Variants in CUBN observed in about 807,000 individuals in gnomAD.
CUBN encodes the protein 460 kDa receptor.
In CUBN, 282 loss-of-function variants were observed where a neutral mutation model predicts 405.3. That is an observed-to-expected ratio of 0.70 (90% CI 0.63 to 0.77). The LOEUF is 0.77. Among genes scored for constraint, CUBN ranks in the 30% least tolerant of loss-of-function variants. The pLI, the probability that CUBN is intolerant of heterozygous loss-of-function variation, is 0.00. For missense variants in CUBN, 4,514 were observed against 4,475.2 expected, an observed-to-expected ratio of 1.01 and a Z score of -0.25; for synonymous variants, 1,684 against 1,617.0, an observed-to-expected ratio of 1.04 and a Z score of -0.99.
intron 11 of CUBN, 88 bp downstream of exon 11, chr10:17,105,369 A>C: frequency 1.2e-6 from 1 of 831,744 alleles, no homozygotes; most frequent in Non-Finnish European, 2.1e-6. Context: ...CATTATCTTG[A>C]CATTCCTGAA....
At position 16,862,156 on chromosome 10, in the gene CUBN, T is replaced by TCACACACA. The variant is rs1377846836; in HGVS notation, c.9454+7479_9454+7480insTGTGTGTG. On this transcript the variant is annotated intron_variant, in intron 59 of 66. Transcript: ENST00000377833. ...GAGTGAGACTCCGTCTCTCTCTCTC[T>TCACACACA]CTCTCACACACACACACACACACAC... 8.1e-3 allele frequency among the ~76,000 whole-genome samples: 752 copies of TCACACACA among 92,716 alleles called. 10 individuals carry two copies. Among genetic ancestry groups the TCACACACA allele is most frequent in the African/African-American group, 0.05 (721 of 14,394 alleles). 60.8% of individuals were successfully genotyped at this position (92,716 alleles called of 152,430 possible).
chr10:16,828,099 G>A (rs1838844965), intron 66 of CUBN, among the ~76,000 whole-genome samples: 1 of 152,128 alleles, frequency 6.6e-6, no homozygotes, highest in South Asian at 2.1e-4. Flanking sequence ...ATTTTCTACA[G>A]TTCTATTTAT....
intron 22 of CUBN, among the ~76,000 whole-genome samples, chr10:17,059,250 T>A (rs1835455316): frequency 6.6e-6 from 1 of 152,092 alleles, no homozygotes; most frequent in Non-Finnish European, 1.5e-5. Flanking sequence ...TTCAAATAAG[T>A]TTTTGTAACA....
intron 28 of CUBN, among the ~76,000 whole-genome samples, chr10:17,011,583 G>A (rs1834188164): frequency 6.6e-6 from 1 of 152,148 alleles, no homozygotes; most frequent in African/African-American, 2.4e-5. Flanking sequence ...TCCACAGCGT[G>A]GAAGGGGACC....
chr10:16,961,326 A>G (rs1426884231), intron 31 of CUBN, among the ~76,000 whole-genome samples: 1 of 152,176 alleles, frequency 6.6e-6, no homozygotes, highest in Non-Finnish European at 1.5e-5. Context: ...TCAGCCTCCC[A>G]AAGTGCTGGG....
chr10:16,842,933 G>C (rs1226946021), intron 60 of CUBN, among the ~76,000 whole-genome samples: 1 of 152,206 alleles, frequency 6.6e-6, no homozygotes, highest in Non-Finnish European at 1.5e-5. Flanking sequence ...ACACAGCTAA[G>C]GACTCCCTGT....
chr10:16,898,663 T>G (rs920933566), intron 54 of CUBN, among the ~76,000 whole-genome samples: 3 of 152,024 alleles, frequency 2.0e-5, no homozygotes, highest in Non-Finnish European at 4.4e-5. Flanking sequence ...TTTCTCACGG[T>G]TTTTTCAGAC....
chr10:17,102,763 C>T (rs1384248130), intron 13 of CUBN, among the ~76,000 whole-genome samples: 1 of 151,680 alleles, frequency 6.6e-6, no homozygotes, highest in Non-Finnish European at 1.5e-5. Context: ...TGTGCCACTA[C>T]ACCTGGCTAA....
intron 6 of CUBN, among the ~76,000 whole-genome samples, chr10:17,117,708 G>A (rs1836939974): frequency 6.6e-6 from 1 of 152,182 alleles, no homozygotes; most frequent in Non-Finnish European, 1.5e-5. Flanking sequence ...GGGATTACAG[G>A]CGTGAGCCAC....
intron 31 of CUBN, among the ~76,000 whole-genome samples, chr10:16,974,689 A>C (rs2131678435): frequency 6.6e-6 from 1 of 152,202 alleles, no homozygotes; most frequent in African/African-American, 2.4e-5. Context: ...ACTCTTGAAC[A>C]ACAGAGGTTT....
At chr10:17,118,524 C>T (rs1836958112) in intron 6 of CUBN, among the ~76,000 whole-genome samples, 1 of 152,126 alleles carries the variant, frequency 6.6e-6, no homozygotes, top group Admixed American at 6.5e-5. Flanking sequence ...GCAACATCTG[C>T]CTCCCAGGTT....
intron 28 of CUBN, among the ~76,000 whole-genome samples, chr10:17,003,299 T>G (rs1833938641): frequency 6.6e-6 from 1 of 152,070 alleles, no homozygotes; most frequent in African/African-American, 2.4e-5. Context: ...AGCGACACTG[T>G]GAAAGCAATT....
At chr10:17,026,997 C>T (rs1390105301) in intron 27 of CUBN, among the ~76,000 whole-genome samples, 1 of 152,128 alleles carries the variant, frequency 6.6e-6, no homozygotes, top group African/African-American at 2.4e-5. Flanking sequence ...ATCGAAATAC[C>T]ACATTTTGAG....
chr10:17,089,095 T>C (rs1836194238), intron 14 of CUBN, among the ~76,000 whole-genome samples: 1 of 152,136 alleles, frequency 6.6e-6, no homozygotes, highest in Non-Finnish European at 1.5e-5. Context: ...ATAATAAAAA[T>C]CCAGACTGTA....
intron 48 of CUBN, among the ~76,000 whole-genome samples, chr10:16,908,381 G>C (rs1038665965): frequency 6.6e-6 from 1 of 152,094 alleles, no homozygotes; most frequent in Non-Finnish European, 1.5e-5. Flanking sequence ...CTGACTTCAG[G>C]TGATCCACCT....
At chr10:16,949,418 A>G (rs891411058) in intron 34 of CUBN, among the ~76,000 whole-genome samples, 2 of 150,102 alleles carry the variant, frequency 1.3e-5, no homozygotes, top group Middle Eastern at 3.2e-3. Flanking sequence ...ATTTACGGAG[A>G]AAGCTTAAAT....
chr10:16,935,119 CAT>C (rs10597460), intron 39 of CUBN, among the ~76,000 whole-genome samples: 20,857 of 152,108 alleles, frequency 0.14, 1,693 homozygotes, highest in Non-Finnish European at 0.19. Context: ...ACTTAACTCA[CAT>C]ATGAGTGTTT....
At chr10:17,120,313 T>C (rs1057261891) in intron 6 of CUBN, among the ~76,000 whole-genome samples, 3 of 152,226 alleles carry the variant, frequency 2.0e-5, no homozygotes, top group Non-Finnish European at 2.9e-5. Context: ...TCAAAAAGTC[T>C]CTAACATATG....
chr10:16,925,184 A>G (rs1190364062), intron 43 of CUBN, 57 bp downstream of exon 43: 1 of 1,459,972 alleles, frequency 6.8e-7, no homozygotes, highest in Non-Finnish European at 9.6e-7. Context: ...ATTTTATATC[A>G]AAGAAGATCA....
Sources: gnomAD v4.1 joint callset for allele counts (sites outside exome capture counted in the v4.1 genomes callset) on GRCh38, gnomAD v4.1.1 for gene constraint, MANE v1.5 for transcripts, NCBI Gene and HGNC (gene_info 2026-07-23, HGNC 2026-07-21) for gene names.